MYCBP2: variants seen among roughly 807,000 people sequenced by gnomAD.
The protein encoded by MYCBP2 is MYC binding protein 2.
MYCBP2 carries 120 observed loss-of-function variants against 525.3 expected under a neutral mutation model. The ratio of observed to expected loss-of-function variants is 0.23; its 90% CI spans 0.20 to 0.27. MYCBP2 has a LOEUF of 0.27. Among genes scored for constraint, MYCBP2 ranks in the 10% least tolerant of loss-of-function variants. The pLI, the probability that MYCBP2 is intolerant of heterozygous loss-of-function variation, is 1.00. For synonymous variants in MYCBP2, 1,894 were observed against 1,955.8 expected, an observed-to-expected ratio of 0.97 and a Z score of 0.83; for missense variants, 4,149 against 5,657.1, an observed-to-expected ratio of 0.73 and a Z score of 8.55.
chr13:77,057,501 C>A (rs1421719896), intron 78 of MYCBP2, among the ~76,000 whole-genome samples: 1 of 152,038 alleles, frequency 6.6e-6, no homozygotes, highest in East Asian at 1.9e-4. Flanking sequence ...GTTAAAAAAA[C>A]CTATTTAGTG....
chr13:77,262,942 A>G (rs1447696837), intron 10 of MYCBP2, among the ~76,000 whole-genome samples: 1 of 152,066 alleles, frequency 6.6e-6, no homozygotes, highest in Non-Finnish European at 1.5e-5. Flanking sequence ...TATGAAATGT[A>G]ATGAGATAAC....
intron 19 of MYCBP2, 138 bp from the exon 20 acceptor site, chr13:77,224,670 G>T: frequency 2.0e-6 from 1 of 503,618 alleles, no homozygotes. Context: ...GGACAAATTT[G>T]TATTTAATGA....
chr13:77,251,072 T>TTA, intron 15 of MYCBP2, 79 bp downstream of exon 15: 1 of 1,301,424 alleles, frequency 7.7e-7, no homozygotes, highest in Non-Finnish European at 1.1e-6. Context: ...AAAATATTAA[T>TTA]AGTAGAGTAT....
intron 55 of MYCBP2, among the ~76,000 whole-genome samples, chr13:77,101,385 T>A (rs1308946820): frequency 2.0e-5 from 3 of 152,110 alleles, no homozygotes; most frequent in African/African-American, 7.2e-5. Context: ...TGCAAAGGAA[T>A]GGTGAATACC....
At position 77,058,614 on chromosome 13, in the gene MYCBP2, A is replaced by G. The variant is rs1479103510; in HGVS notation, c.13141-208T>C. Among the ~76,000 whole-genome samples, 1 of 151,672 alleles carries G rather than the reference A, an allele frequency of 6.6e-6. No individual in the cohort carries two copies. The highest frequency in any genetic ancestry group is 2.4e-5 in the African/African-American group (1 of 41,256). On this transcript the variant is annotated intron_variant, in intron 77 of 82. Transcript: ENST00000544440. This position sits in a 1 kb window ranked among gnomAD's most constrained non-coding sequence, Gnocchi z 4.1. ...GTTTTTTTTTTTTGATGCGATTTTT[A>G]AAAAATGCCACTCTCTATAAAGGGA...
chr13:77,103,278 G>C (rs1335888626), intron 55 of MYCBP2: 1 of 397,458 alleles, frequency 2.5e-6, no homozygotes, highest in African/African-American at 2.1e-5. Context: ...TTGTAAATGC[G>C]CTCACGAGAA....
intron 22 of MYCBP2, 145 bp from the exon 23 acceptor site, chr13:77,211,465 G>A: frequency 2.9e-6 from 1 of 340,894 alleles, no homozygotes; most frequent in Non-Finnish European, 4.8e-6. Context: ...CTTTAAGTGG[G>A]AGAATTAGGA....
intron 40 of MYCBP2, among the ~76,000 whole-genome samples, chr13:77,167,864 C>T (rs1292389366): frequency 6.6e-6 from 1 of 152,066 alleles, no homozygotes; most frequent in Non-Finnish European, 1.5e-5. Context: ...ATAGTTTCTA[C>T]CATGAAAAGT....
rs1250730314 is a variant in MYCBP2, at chr13:77,225,562, T to C, written c.2738-8A>G. On this transcript the variant is annotated splice_polypyrimidine_tract_variant and splice_region_variant and intron_variant, in intron 18 of 82. Transcript: ENST00000544440. ...CTCTTTCTCCACTTCCATCTGCAAG[T>C]GTTATAATTTGTGAATTATGATTAA... 6.2e-7 allele frequency: 1 copy of C among 1,613,028 alleles called. No individual in the cohort carries two copies. Among genetic ancestry groups the C allele is most frequent in the African/African-American group, 1.3e-5 (1 of 74,982 alleles).
At chr13:77,070,546 A>T in intron 69 of MYCBP2, 85 bp downstream of exon 69, 1 of 970,224 alleles carries the variant, frequency 1.0e-6, no homozygotes, top group Non-Finnish European at 1.6e-6. Context: ...TTTATACCCT[A>T]ATAACAAACA....
chr13:77,075,311 T>A (rs989771716), intron 68 of MYCBP2, among the ~76,000 whole-genome samples: 1 of 152,216 alleles, frequency 6.6e-6, no homozygotes. Context: ...AATTTCTGTA[T>A]GTAAATTGTG....
intron 57 of MYCBP2, among the ~76,000 whole-genome samples, chr13:77,095,971 A>G (rs988461121): frequency 1.3e-5 from 2 of 152,134 alleles, no homozygotes; most frequent in African/African-American, 4.8e-5. Context: ...ATAGGAAAAC[A>G]AAGGAGCCAA....
At position 77,263,966 on chromosome 13, in the gene MYCBP2, T is replaced by A. The variant is rs150670125; in HGVS notation, c.1394A>T (p.Asp465Val). 1 of 1,612,736 alleles carries A rather than the reference T, an allele frequency of 6.2e-7. No individual in the cohort carries two copies. The highest frequency in any genetic ancestry group is 8.5e-7 in the Non-Finnish European group (1 of 1,179,138). ...HTEGQNILFTDGEYINQIAAS... is the reference protein window; with the variant it reads ...HTEGQNILFTVGEYINQIAAS... ...AGCTATCTGATTAATATATTCTCCA[T>A]CAGTGAATAAAATATTTTGACCTTC... The change falls in exon 9 of 83, where the codon GAT (aspartate) becomes GTT (valine). Residue 465 changes from aspartate (D) to valine (V), a missense_variant. Transcript: ENST00000544440.
chr13:77,267,703 CT>C lies in MYCBP2; in HGVS notation c.1357+137del, dbSNP rs1262093718. On this transcript the variant is annotated intron_variant, in intron 8 of 82. Transcript: ENST00000544440. Reference sequence around the variant, plus strand: ...TTAACTTCACGTAGACTATAAAATGCTTTGTATGTCAAGATTTTTAAAACCC... The same window carrying C: ...TTAACTTCACGTAGACTATAAAATGCTTGTATGTCAAGATTTTTAAAACCC... The C allele has an allele frequency of 4.4e-6, 3 of 675,972 alleles. No homozygotes were observed. The African/African-American group carries it at 5.5e-5, about 12-fold the overall frequency. 41.9% of individuals were successfully genotyped at this position (675,972 alleles called of 1,614,324 possible).
At chr13:77,214,116 A>G (rs2064443898) in intron 21 of MYCBP2, among the ~76,000 whole-genome samples, 1 of 152,238 alleles carries the variant, frequency 6.6e-6, no homozygotes, top group African/African-American at 2.4e-5. Context: ...AGGCAAAGGA[A>G]CTTGGAAGTA....
In MYCBP2 at chr13:77,045,291, C is replaced by T; in HGVS notation, c.*87G>A. 1 of 854,286 alleles carries T rather than the reference C, an allele frequency of 1.2e-6. No homozygotes were observed. Among genetic ancestry groups the T allele is most frequent in the Admixed American group, 2.1e-5 (1 of 46,930 alleles). 52.9% of individuals were successfully genotyped at this position (854,286 alleles called of 1,614,324 possible). A position where few individuals can be genotyped will look rare whatever the true frequency, so the allele number is the denominator to read the frequency against. The stretch of plus-strand genomic sequence containing the variant: ...TCATGGATGTAAAAATGGTCCCGTC[C>T]TTATCCTGAGCAGAGTTTAAACTTC... On this transcript the variant is annotated 3_prime_UTR_variant, in exon 83 of 83. Coordinates refer to ENST00000544440, the MANE Select transcript of MYCBP2 (RefSeq NM_015057.5).
At chr13:77,124,074 G>C (rs1441424268) in intron 54 of MYCBP2, among the ~76,000 whole-genome samples, 2 of 152,150 alleles carry the variant, frequency 1.3e-5, no homozygotes, top group Non-Finnish European at 2.9e-5. Context: ...AACAAGGAGA[G>C]GAGGTAGGTT....
chr13:77,187,746 T>C (rs2060864444), intron 30 of MYCBP2, among the ~76,000 whole-genome samples: 1 of 152,040 alleles, frequency 6.6e-6, no homozygotes, highest in Non-Finnish European at 1.5e-5. Context: ...TTTTTTTGCA[T>C]ATAAAAATGG....
At chr13:77,128,999 TGGCAGGAGTG>T (rs1330419895) in intron 52 of MYCBP2, 14 of 385,262 alleles carry the variant, frequency 3.6e-5, no homozygotes, top group African/African-American at 2.9e-4. Context: ...ACATTCTTTT[TGGCAGGAGTG>T]AGAAAACTCA....
Sources: allele counts gnomAD v4.1 joint callset (sites outside exome capture counted in the v4.1 genomes callset), GRCh38; gene constraint gnomAD v4.1.1; non-coding constraint Gnocchi (gnomAD v3.1); transcripts MANE v1.5; gene names NCBI Gene and HGNC (gene_info 2026-07-23, HGNC 2026-07-21).